Variants in ZNF445 observed in about 807,000 individuals in gnomAD.
ZNF445 encodes the protein zinc finger protein 168.
A neutral mutation model predicts 93.9 loss-of-function variants in ZNF445; 19 were observed. That is an observed-to-expected ratio of 0.20 (90% CI 0.14 to 0.30). The LOEUF is 0.30. Ranked by LOEUF, ZNF445 falls within the 10% of genes least tolerant of loss-of-function variation. The pLI is 1.00. For synonymous variants in ZNF445, 449 were observed against 446.3 expected, an observed-to-expected ratio of 1.01 and a Z score of -0.08; for missense variants, 1,058 against 1,259.4, an observed-to-expected ratio of 0.84 and a Z score of 2.42.
intron 1 of ZNF445, among the ~76,000 whole-genome samples, chr3:44,459,024 G>C (rs952521080): frequency 6.6e-6 from 1 of 152,132 alleles, no homozygotes; most frequent in African/African-American, 2.4e-5. Flanking sequence ...CTCCATAAAA[G>C]GTCCAAGAGG....
intron 1 of ZNF445, among the ~76,000 whole-genome samples, chr3:44,464,488 A>C (rs1698165035): frequency 6.6e-6 from 1 of 152,246 alleles, no homozygotes; most frequent in Non-Finnish European, 1.5e-5. Flanking sequence ...TTGTCAGAAA[A>C]ATAGAAACTT....
In ZNF445 at chr3:44,439,200, G is replaced by A. The variant is rs1252397369; in HGVS notation, c.*7375C>T. 6.6e-6 allele frequency: 1 copy of A among 150,626 alleles called. No homozygotes were observed. The highest frequency in any genetic ancestry group is 1.5e-5 in the Non-Finnish European group (1 of 67,794). 9.3% of individuals were successfully genotyped at this position (150,626 alleles called of 1,614,324 possible). A position where few individuals can be genotyped will look rare whatever the true frequency, so the allele number is the denominator to read the frequency against. On this transcript the variant is annotated 3_prime_UTR_variant, in exon 8 of 8. Transcript: ENST00000396077. ...TGGTGCACGCTTGTAGTCCCAGCTA[G>A]TCAGGAGGCTGAGGCTGGAGAATCG...
chr3:44,473,218 G>A (rs1201224567), intron 1 of ZNF445, among the ~76,000 whole-genome samples: 1 of 152,098 alleles, frequency 6.6e-6, no homozygotes, highest in African/African-American at 2.4e-5. Flanking sequence ...AGCACTTTGG[G>A]AGGCTGAGGC....
chr3:44,451,338 G>C lies in ZNF445; in HGVS notation c.574C>G (p.Arg192Gly). The change falls in exon 4 of 8, where the codon CGT (arginine) becomes GGT (glycine). Residue 192 changes from arginine to glycine, a missense_variant. Around this residue, in one of 3 missense-constraint regions of ZNF445, gnomAD observed 657 missense variants for 746.4 expected, o/e 0.88. Coordinates refer to ENST00000396077, the MANE Select transcript of ZNF445 (RefSeq NM_181489.6). Reference protein sequence around the residue: ...HLEPPYEIEARDFLAGQSDTP... With the variant: ...HLEPPYEIEAGDFLAGQSDTP... The stretch of plus-strand genomic sequence containing the variant: ...CCGGATTGCCCAGCCAGGAAGTCAC[G>C]TGCTTCTATTTCATAGGGAGGCTCC... 1.2e-6 allele frequency: 2 copies of C among 1,613,956 alleles called. No homozygotes were observed.
rs1575307940 is a variant in ZNF445 at position 44,447,895 on chromosome 3, A to C, written c.1776T>G (p.Ser592Arg). Residue 592 changes from serine (S) to arginine (R), a missense_variant, in exon 8 of 8, where the codon AGT (serine) becomes AGG (arginine). Ser to Arg is a moderately radical substitution (Grantham distance 110). Transcript: ENST00000396077. The surrounding 1 kb of genome is among the most constrained non-coding windows in gnomAD (Gnocchi z 4.7). ...SGFDHHLGDQ[S>R]GEKLFDCSQC... ...GGCTGCAGTCAAAGAGTTTCTCCCC[A>C]CTTTGGTCTCCCAAATGATGATCAA... 3 of 1,613,954 alleles carry C rather than the reference A, an allele frequency of 1.9e-6. No individual in the cohort carries two copies. The highest frequency in any genetic ancestry group is 2.5e-6 in the Non-Finnish European group (3 of 1,180,040).
chr3:44,459,986 G>A (rs1284140553), intron 1 of ZNF445, among the ~76,000 whole-genome samples: 4 of 152,154 alleles, frequency 2.6e-5, no homozygotes, highest in Non-Finnish European at 4.4e-5. Context: ...AGGATCACTT[G>A]AGCCCAGGAA....
At chr3:44,465,458 T>C (rs571492884) in intron 1 of ZNF445, among the ~76,000 whole-genome samples, 1 of 152,216 alleles carries the variant, frequency 6.6e-6, no homozygotes, top group Non-Finnish European at 1.5e-5. Flanking sequence ...ATGATACTGA[T>C]GTGGGGCCAA....
intron 6 of ZNF445, 75 bp downstream of exon 6, chr3:44,450,372 T>C (rs1353261895): frequency 6.3e-7 from 1 of 1,596,716 alleles, no homozygotes; most frequent in Non-Finnish European, 8.6e-7. Flanking sequence ...GTCAGGTACC[T>C]TTCTATGCAG....
intron 1 of ZNF445, among the ~76,000 whole-genome samples, chr3:44,460,086 G>A (rs942982226): frequency 2.0e-5 from 3 of 152,100 alleles, no homozygotes; most frequent in Non-Finnish European, 2.9e-5. Flanking sequence ...ATAGATGCAC[G>A]GTATATAGAC....
At chr3:44,476,862 T>C (rs1238390737) in intron 1 of ZNF445, among the ~76,000 whole-genome samples, 2 of 152,162 alleles carry the variant, frequency 1.3e-5, no homozygotes, top group Admixed American at 6.5e-5. Context: ...CAAATGTGTC[T>C]CCTACAGAAA....
Position 44,447,005 on chromosome 3 carries a change from A to T in ZNF445, c.2666T>A (p.Ile889Asn). The T allele has an allele frequency of 6.2e-7, 1 of 1,614,212 alleles. No individual in the cohort carries two copies. Among genetic ancestry groups the T allele is most frequent in the Non-Finnish European group, 8.5e-7 (1 of 1,180,044 alleles). Residue 889 changes from isoleucine to asparagine, a missense_variant, in exon 8 of 8, where the codon ATC (isoleucine) becomes AAC (asparagine). Transcript: ENST00000396077. This position sits in a 1 kb window ranked among gnomAD's most constrained non-coding sequence, Gnocchi z 4.7. The part of the protein sequence containing the change: ...RNYRLVNHQR[I>N]HSTERPFKCQ... ...TTTGAAAGGTCTCTCTGTAGAGTGG[A>T]TCCTCTGATGGTTAACAAGGCGATA... is the stretch of plus-strand genomic sequence containing the variant.
chr3:44,473,732 A>G (rs1203944666), intron 1 of ZNF445, among the ~76,000 whole-genome samples: 1 of 13,212 alleles, frequency 7.6e-5, no homozygotes, highest in Non-Finnish European at 1.5e-4. Context: ...AGGAAGGACT[A>G]AAAAAAAAAA....
intron 1 of ZNF445, among the ~76,000 whole-genome samples, chr3:44,473,903 G>C (rs1380446955): frequency 6.6e-6 from 1 of 152,106 alleles, no homozygotes; most frequent in Non-Finnish European, 1.5e-5. Context: ...CAGGGGAGAA[G>C]GGATAACTCT....
chr3:44,449,442 T>C, intron 7 of ZNF445, 71 bp downstream of exon 7: 1 of 1,232,876 alleles, frequency 8.1e-7, no homozygotes, highest in East Asian at 2.3e-5. Flanking sequence ...TTCCCAGTGA[T>C]GTAACTGACC....
intron 6 of ZNF445, 113 bp downstream of exon 6, chr3:44,450,334 C>G: frequency 7.5e-7 from 1 of 1,333,352 alleles, no homozygotes; most frequent in Admixed American, 1.7e-5. Context: ...ATCTGGTCAG[C>G]AGTTACAGAG....
chr3:44,471,232 T>C (rs1318799082), intron 1 of ZNF445, among the ~76,000 whole-genome samples: 1 of 152,220 alleles, frequency 6.6e-6, no homozygotes, highest in Non-Finnish European at 1.5e-5. Context: ...TTCTTGTCCC[T>C]AAAAGCTTCT....
intron 3 of ZNF445, among the ~76,000 whole-genome samples, chr3:44,453,782 C>G (rs1409459540): frequency 4.6e-5 from 7 of 152,296 alleles, no homozygotes; most frequent in Non-Finnish European, 1.0e-4. Flanking sequence ...CAGGGCCAGG[C>G]ACATGATAAG....
At position 44,446,126 on chromosome 3, in the gene ZNF445, T is replaced by C. The variant is rs570240079; in HGVS notation, c.*449A>G. 1.2e-4 allele frequency: 21 copies of C among 177,502 alleles called. No individual in the cohort carries two copies. Among genetic ancestry groups the C allele is most frequent in the Non-Finnish European group, 3.5e-5 (3 of 84,998 alleles). The allele number at this position is 177,502 out of a possible 1,614,324, so 11.0% of individuals were successfully genotyped here. A position where few individuals can be genotyped will look rare whatever the true frequency, so the allele number is the denominator to read the frequency against. On this transcript the variant is annotated 3_prime_UTR_variant, in exon 8 of 8. Transcript: ENST00000396077. The surrounding 1 kb of genome is among the most constrained non-coding windows in gnomAD (Gnocchi z 4.2). ...GGCATTTGGGAAGGCTAGGAGTTCTTGATGCTGCTGCTTTTAAAGTCAACA... is the reference window on the plus strand; with the variant it reads ...GGCATTTGGGAAGGCTAGGAGTTCTCGATGCTGCTGCTTTTAAAGTCAACA...
Position 44,447,492 on chromosome 3 carries a change from G to A in ZNF445, c.2179C>T (p.His727Tyr), listed in dbSNP as rs1559391162. Reference sequence around the variant, plus strand: ...CTTTTCATGGCATGCTTCTTCTTATGAACAATAAAGGCTGACCTATAGGCA... The same window carrying A: ...CTTTTCATGGCATGCTTCTTCTTATAAACAATAAAGGCTGACCTATAGGCA... ...DFAYRSAFIV[H>Y]KKKHAMKRKP... Residue 727 changes from histidine (H) to tyrosine (Y), a missense_variant, in exon 8 of 8, where the codon CAT becomes TAT. Coordinates refer to ENST00000396077, the MANE Select transcript of ZNF445 (RefSeq NM_181489.6). The surrounding 1 kb of genome is among the most constrained non-coding windows in gnomAD (Gnocchi z 4.7). 1.2e-6 allele frequency: 2 copies of A among 1,614,140 alleles called. No homozygotes were observed. Among genetic ancestry groups the A allele is most frequent in the Non-Finnish European group, 1.7e-6 (2 of 1,180,028 alleles).
Sources: allele counts gnomAD v4.1 joint callset (sites outside exome capture counted in the v4.1 genomes callset), GRCh38; gene constraint gnomAD v4.1.1; regional missense constraint gnomAD v4.1.1; non-coding constraint Gnocchi (gnomAD v3.1); transcripts MANE v1.5; gene names NCBI Gene and HGNC (gene_info 2026-07-23, HGNC 2026-07-21).